The following FAR2 variants were observed in gnomAD, a reference collection of about 807,000 sequenced individuals.
FAR2 encodes the protein fatty acyl-CoA reductase 2, also known as epididymis secretory protein Li 81.
In FAR2, 19 loss-of-function variants were observed where a neutral mutation model predicts 56.0. The observed-to-expected ratio is 0.34, with a 90% CI of 0.24 to 0.50. FAR2 has a LOEUF of 0.50. Ranked by LOEUF, FAR2 falls within the 20% of genes least tolerant of loss-of-function variation. The pLI is 0.98. For synonymous variants in FAR2, 219 were observed against 218.8 expected (o/e 1.00, Z -0.01); for missense variants, 508 against 642.2 (o/e 0.79, Z 2.26).
chr12:29,281,510 C>G (rs1187622754), intron 2 of FAR2: 1 of 152,134 alleles, frequency 6.6e-6, no homozygotes, highest in Non-Finnish European at 1.5e-5. Flanking sequence ...AAGAAGTGTG[C>G]TCTTCTTGCG....
chr12:29,250,134 T>C (rs1452288830), intron 1 of FAR2, among the ~76,000 whole-genome samples: 1 of 140,088 alleles, frequency 7.1e-6, no homozygotes, highest in Non-Finnish European at 1.6e-5. Context: ...GGTTAGTGTG[T>C]GACGGCTAAT....
intron 1 of FAR2, among the ~76,000 whole-genome samples, chr12:29,214,214 G>A (rs528202049): frequency 2.0e-5 from 3 of 152,202 alleles, no homozygotes; most frequent in South Asian, 4.1e-4. Context: ...TTTTATGCAT[G>A]GTATTTGAGA....
chr12:29,208,672 G>T (rs368392944), intron 1 of FAR2, among the ~76,000 whole-genome samples: 5 of 152,170 alleles, frequency 3.3e-5, no homozygotes, highest in Non-Finnish European at 5.9e-5. Flanking sequence ...ATGCCCACCT[G>T]TTGGCCAGTC....
chr12:29,180,065 A>G (rs1949978062), intron 1 of FAR2, among the ~76,000 whole-genome samples: 1 of 152,210 alleles, frequency 6.6e-6, no homozygotes, highest in Admixed American at 6.5e-5. Flanking sequence ...TCACAAAATC[A>G]GTCAAGGAAA....
intron 1 of FAR2, among the ~76,000 whole-genome samples, chr12:29,155,516 T>C (rs1949719043): frequency 6.6e-6 from 1 of 152,240 alleles, no homozygotes; most frequent in Admixed American, 6.5e-5. Flanking sequence ...TCAGCAGCTT[T>C]GGCCCAAGGC....
chr12:29,316,221 C>T (rs1422282439), intron 8 of FAR2, among the ~76,000 whole-genome samples: 1 of 151,754 alleles, frequency 6.6e-6, no homozygotes, highest in Non-Finnish European at 1.5e-5. Context: ...CTACTGAATT[C>T]ACAAATGTAC....
At position 29,214,293 on chromosome 12, in the gene FAR2, C is replaced by T. The variant is rs1445143636; in HGVS notation, c.-38-56119C>T. Among the ~76,000 whole-genome samples, 4 of 152,086 alleles carry T rather than the reference C, an allele frequency of 2.6e-5. No individual in the cohort carries two copies. In the East Asian group the frequency reaches 7.7e-4, roughly 29 times the overall value. ...CAGACTTCAGGCATATAAAGTAGGCCTTACTAGGAGCACATTACACACTCT... is the reference window on the plus strand; with the variant it reads ...CAGACTTCAGGCATATAAAGTAGGCTTTACTAGGAGCACATTACACACTCT... On this transcript the variant is annotated intron_variant, in intron 1 of 11. Coordinates refer to ENST00000536681, the MANE Select transcript of FAR2 (RefSeq NM_001271783.2).
At chr12:29,209,895 A>G (rs1036110326) in intron 1 of FAR2, among the ~76,000 whole-genome samples, 3 of 152,056 alleles carry the variant, frequency 2.0e-5, no homozygotes, top group Non-Finnish European at 4.4e-5. Context: ...TTCTTACTTC[A>G]TCTCATCAGC....
At chr12:29,178,592 T>C (rs1949961971) in intron 1 of FAR2, among the ~76,000 whole-genome samples, 1 of 152,086 alleles carries the variant, frequency 6.6e-6, no homozygotes. Flanking sequence ...TCCACCTGGG[T>C]GAAACAGCAA....
intron 1 of FAR2, among the ~76,000 whole-genome samples, chr12:29,153,827 T>C (rs1372909060): frequency 4.6e-5 from 7 of 151,948 alleles, no homozygotes; most frequent in Non-Finnish European, 1.0e-4. Context: ...GAAAGAAGAG[T>C]GGGAATGAAT....
chr12:29,231,328 G>A (rs555738129), intron 1 of FAR2, among the ~76,000 whole-genome samples: 12 of 152,274 alleles, frequency 7.9e-5, no homozygotes, highest in African/African-American at 2.9e-4. Context: ...CAATATGGAG[G>A]TGAAAGAGAG....
intron 1 of FAR2, among the ~76,000 whole-genome samples, chr12:29,220,606 A>AT (rs780680654): frequency 3.3e-5 from 5 of 151,992 alleles, no homozygotes; most frequent in African/African-American, 4.8e-5. Context: ...GTAAATGCCC[A>AT]TTTTTTTCTC....
rs1050858429 is a variant in FAR2, at chr12:29,249,630, A to G, written c.-38-20782A>G. Reference sequence around the variant, plus strand: ...CCATCACAATTACTTTAGTGCAACTAGAAACTTAGACTTAGAATGTGGCCT... The same window carrying G: ...CCATCACAATTACTTTAGTGCAACTGGAAACTTAGACTTAGAATGTGGCCT... On this transcript the variant is annotated intron_variant, in intron 1 of 11. Transcript: ENST00000536681. 2.3e-4 allele frequency among the ~76,000 whole-genome samples: 35 copies of G among 152,238 alleles called. 1 individual carries two copies. The highest frequency in any genetic ancestry group is 2.1e-4 in the Non-Finnish European group (14 of 68,042).
chr12:29,308,656 C>T (rs1449143133), intron 5 of FAR2, among the ~76,000 whole-genome samples: 1 of 148,750 alleles, frequency 6.7e-6, no homozygotes, highest in Non-Finnish European at 1.5e-5. Context: ...TCTGTAACAT[C>T]TTTAAGTAAG....
At chr12:29,251,559 C>T (rs1299005575) in intron 1 of FAR2, among the ~76,000 whole-genome samples, 1 of 152,148 alleles carries the variant, frequency 6.6e-6, no homozygotes, top group Non-Finnish European at 1.5e-5. Flanking sequence ...GACCCCTAAC[C>T]TGTACTGTGG....
intron 1 of FAR2, among the ~76,000 whole-genome samples, chr12:29,233,531 A>G (rs1393626708): frequency 6.6e-6 from 1 of 152,134 alleles, no homozygotes; most frequent in Non-Finnish European, 1.5e-5. Flanking sequence ...CCATCTGTCA[A>G]CTTCCTTGCC....
chr12:29,243,047 G>A (rs1948064378), intron 1 of FAR2, among the ~76,000 whole-genome samples: 1 of 152,214 alleles, frequency 6.6e-6, no homozygotes, highest in South Asian at 2.1e-4. Context: ...ACGCAGGAGA[G>A]TGGGAAAGCA....
chr12:29,202,771 C>T (rs1187278749), intron 1 of FAR2, among the ~76,000 whole-genome samples: 1 of 152,188 alleles, frequency 6.6e-6, no homozygotes, highest in Non-Finnish European at 1.5e-5. Context: ...CTCTCCTTCA[C>T]CTTCCACCAT....
At chr12:29,243,716 A>T (rs1258055144) in intron 1 of FAR2, among the ~76,000 whole-genome samples, 1 of 152,172 alleles carries the variant, frequency 6.6e-6, no homozygotes, top group Non-Finnish European at 1.5e-5. Flanking sequence ...ATTCCTTAGG[A>T]AAGTCTGAAA....
Sources: gnomAD v4.1 joint callset for allele counts (sites outside exome capture counted in the v4.1 genomes callset) on GRCh38, gnomAD v4.1.1 for gene constraint, MANE v1.5 for transcripts, NCBI Gene and HGNC (gene_info 2026-07-23, HGNC 2026-07-21) for gene names.